VIPR2: variants seen among roughly 807,000 people sequenced by gnomAD.
The protein encoded by VIPR2 is vasoactive intestinal peptide receptor 2, also known as vasoactive intestinal polypeptide receptor 2.
In VIPR2, 48 loss-of-function variants were observed where a neutral mutation model predicts 58.0. That is an observed-to-expected ratio of 0.83 (90% CI 0.66 to 1.05). VIPR2 has a LOEUF of 1.05. Among genes scored for constraint, VIPR2 ranks in the 50% least tolerant of loss-of-function variants. The pLI, the probability that VIPR2 is intolerant of heterozygous loss-of-function variation, is 0.00. For synonymous variants in VIPR2, 243 were observed against 235.2 expected (o/e 1.03, Z -0.30); for missense variants, 534 against 558.0 (o/e 0.96, Z 0.43).
chr7:159,084,161 T>C (rs1857051367), intron 4 of VIPR2, among the ~76,000 whole-genome samples: 1 of 152,266 alleles, frequency 6.6e-6, no homozygotes, highest in African/African-American at 2.4e-5. Flanking sequence ...AGACAGCTTC[T>C]GTCCGGTCCT....
Position 159,031,723 on chromosome 7 carries a change from G to A in VIPR2, c.1143+105C>T. The A allele has an allele frequency of 1.3e-6, 2 of 1,591,606 alleles. No individual in the cohort carries two copies. The highest frequency in any genetic ancestry group is 1.7e-5 in the Admixed American group (1 of 58,872). ...TGTGGGGTCCCGGGCAGTAACTCGA[G>A]CCCGCGGAAGACAGGCATGTGTGGG... is the stretch of plus-strand genomic sequence containing the variant. On this transcript the variant is annotated intron_variant, in intron 12 of 12. Transcript: ENST00000262178. This position sits in a 1 kb window ranked among gnomAD's most constrained non-coding sequence, Gnocchi z 4.0.
At chr7:159,131,234 T>C (rs1252684759) in intron 2 of VIPR2, among the ~76,000 whole-genome samples, 2 of 152,092 alleles carry the variant, frequency 1.3e-5, no homozygotes, top group Non-Finnish European at 2.9e-5. Context: ...GGTGAACAAA[T>C]GGAAAACCTT....
chr7:159,081,853 C>T (rs1249949987), intron 4 of VIPR2, among the ~76,000 whole-genome samples: 2 of 152,158 alleles, frequency 1.3e-5, no homozygotes, highest in African/African-American at 4.8e-5. Context: ...AGCCAAAAAA[C>T]ACATGAAAAA....
chr7:159,100,827 G>A (rs769040343), intron 4 of VIPR2, among the ~76,000 whole-genome samples: 8 of 150,490 alleles, frequency 5.3e-5, no homozygotes, highest in Non-Finnish European at 1.2e-4. Context: ...CGGGTCTCAC[G>A]AGATCTGACG....
chr7:159,132,850 A>G (rs1431745173), intron 2 of VIPR2, among the ~76,000 whole-genome samples: 4 of 123,400 alleles, frequency 3.2e-5, no homozygotes, highest in Non-Finnish European at 7.5e-5. Flanking sequence ...TGATTGGCAT[A>G]CCGATTGATT....
At chr7:159,133,650 T>C (rs1429452428) in intron 2 of VIPR2, among the ~76,000 whole-genome samples, 6 of 152,258 alleles carry the variant, frequency 3.9e-5, no homozygotes, top group Admixed American at 6.5e-5. Context: ...TGCTTCTGTC[T>C]GTTTGGTTAT....
chr7:159,108,690 G>A (rs753909898), intron 3 of VIPR2, among the ~76,000 whole-genome samples: 1 of 152,186 alleles, frequency 6.6e-6, no homozygotes, highest in Non-Finnish European at 1.5e-5. Context: ...GCTTGCTAAT[G>A]TGCAAACTAC....
rs1857762476 is a variant in VIPR2 at position 159,095,282 on chromosome 7, AT to A, written c.357+8474del. Among the ~76,000 whole-genome samples, 1 of 152,186 alleles carries A rather than the reference AT, an allele frequency of 6.6e-6. No homozygotes were observed. On this transcript the variant is annotated intron_variant, in intron 4 of 12. Coordinates refer to ENST00000262178, the MANE Select transcript of VIPR2 (RefSeq NM_003382.5). The surrounding 1 kb of genome is among the most constrained non-coding windows in gnomAD (Gnocchi z 5.2). ...AAGAGACCAGCCCTGCTTTTAGGGG[AT>A]TCCTAACATTTAAGGGGTGAAAAGG...
intron 6 of VIPR2, 43 bp from the exon 7 acceptor site, chr7:159,036,945 G>A (rs374945318): frequency 2.4e-5 from 38 of 1,583,298 alleles, no homozygotes; most frequent in East Asian, 1.6e-4. Context: ...GACCTCATCC[G>A]GTAACAGCAG....
chr7:159,123,505 A>G (rs78691901), intron 2 of VIPR2, among the ~76,000 whole-genome samples: 2 of 152,098 alleles, frequency 1.3e-5, no homozygotes, highest in Admixed American at 6.5e-5. Context: ...TTATGGCTGC[A>G]TAGTATTCCA....
Position 159,096,185 on chromosome 7 carries a change from C to T in VIPR2, c.357+7572G>A, listed in dbSNP as rs1857829224. Among the ~76,000 whole-genome samples, 1 of 152,208 alleles carries T rather than the reference C, an allele frequency of 6.6e-6. No individual in the cohort carries two copies. The highest frequency in any genetic ancestry group is 1.5e-5 in the Non-Finnish European group (1 of 68,030). On this transcript the variant is annotated intron_variant, in intron 4 of 12. Transcript: ENST00000262178. The surrounding 1 kb of genome is among the most constrained non-coding windows in gnomAD (Gnocchi z 5.5). ...ACAATGCCGGAGGTCCCACCCAAGGCTGCCCAAGCCCAAAGACAGGCCTCC... is the reference window on the plus strand; with the variant it reads ...ACAATGCCGGAGGTCCCACCCAAGGTTGCCCAAGCCCAAAGACAGGCCTCC...
intron 2 of VIPR2, among the ~76,000 whole-genome samples, chr7:159,137,252 T>C (rs895419831): frequency 2.0e-5 from 3 of 152,090 alleles, no homozygotes; most frequent in Admixed American, 2.0e-4. Flanking sequence ...GGCCCACTCC[T>C]TCACCTGCCA....
chr7:159,069,701 T>C (rs1247820601), intron 4 of VIPR2, among the ~76,000 whole-genome samples: 1 of 152,188 alleles, frequency 6.6e-6, no homozygotes, highest in East Asian at 1.9e-4. Flanking sequence ...GCATCATGTC[T>C]AATATGCTGT....
rs138918364 is a variant in VIPR2, at chr7:159,061,565, G to A, written c.358-2987C>T. On this transcript the variant is annotated intron_variant, in intron 4 of 12. Transcript: ENST00000262178. ...GCTACTGGGGAGACTGAGGTAGGAGGATCACCTGTGCCAGGAAGGTGGAGG... is the reference window on the plus strand; with the variant it reads ...GCTACTGGGGAGACTGAGGTAGGAGAATCACCTGTGCCAGGAAGGTGGAGG... Among the ~76,000 whole-genome samples, 20 of 151,816 alleles carry A rather than the reference G, an allele frequency of 1.3e-4. No homozygotes were observed. In the East Asian group the frequency reaches 3.7e-3, roughly 28 times the overall value.
chr7:159,040,775 C>A (rs1854278087), intron 6 of VIPR2, among the ~76,000 whole-genome samples: 1 of 152,216 alleles, frequency 6.6e-6, no homozygotes, highest in Non-Finnish European at 1.5e-5. Flanking sequence ...CTATTTCTGG[C>A]TGACTTGTTT....
In VIPR2 at chr7:159,084,844, T is replaced by C. The variant is rs141487697; in HGVS notation, c.357+18913A>G. 1.7e-3 allele frequency among the ~76,000 whole-genome samples: 261 copies of C among 152,306 alleles called. 1 individual carries two copies. The highest frequency in any genetic ancestry group is 5.9e-3 in the African/African-American group (245 of 41,568). ...TGCCTTAGAAGTCGAAGGCTGGAGC[T>C]TCCTTTTGCTTCTCAAATGTTTTAG... On this transcript the variant is annotated intron_variant, in intron 4 of 12. Transcript: ENST00000262178.
At chr7:159,129,450 C>T (rs879201791) in intron 2 of VIPR2, among the ~76,000 whole-genome samples, 37 of 45,214 alleles carry the variant, frequency 8.2e-4, no homozygotes, top group African/African-American at 1.9e-3. Flanking sequence ...TGGCCTCTGG[C>T]GGGGACAGGG....
In VIPR2 at chr7:159,030,520, G is replaced by A; in HGVS notation, c.*96C>T. The A allele has an allele frequency of 2.8e-6, 4 of 1,410,152 alleles. No individual in the cohort carries two copies. The highest frequency in any genetic ancestry group is 1.5e-5 in the African/African-American group (1 of 68,276). 87.4% of individuals were successfully genotyped at this position (1,410,152 alleles called of 1,614,324 possible). On this transcript the variant is annotated 3_prime_UTR_variant, in exon 13 of 13. Transcript: ENST00000262178. Reference sequence around the variant, plus strand: ...AGGACCGCGCTGACCTGCCCGACACGGTGCTCGGGCATCTGGAAGGAGGAA... The same window carrying A: ...AGGACCGCGCTGACCTGCCCGACACAGTGCTCGGGCATCTGGAAGGAGGAA...
chr7:159,043,910 G>A (rs965844374), intron 5 of VIPR2, among the ~76,000 whole-genome samples: 6 of 152,210 alleles, frequency 3.9e-5, no homozygotes, highest in Non-Finnish European at 8.8e-5. Flanking sequence ...AGGAAAAGCT[G>A]TGGAGTGAGA....
Sources: gnomAD v4.1 joint callset for allele counts (sites outside exome capture counted in the v4.1 genomes callset) on GRCh38, gnomAD v4.1.1 for gene constraint, Gnocchi (gnomAD v3.1) non-coding constraint, MANE v1.5 for transcripts, NCBI Gene and HGNC (gene_info 2026-07-23, HGNC 2026-07-21) for gene names.